Variants in SFMBT2 observed in about 807,000 individuals in gnomAD.
SFMBT2 encodes the protein Scm like with four mbt domains 2, also known as scm-like with four MBT domains protein 2.
In SFMBT2, 38 loss-of-function variants were observed where a neutral mutation model predicts 110.1. The observed-to-expected ratio is 0.35, with a 90% confidence interval of 0.27 to 0.45. SFMBT2 has a LOEUF of 0.45. Ranked by LOEUF, SFMBT2 falls within the 20% of genes least tolerant of loss-of-function variation. The probability of loss-of-function intolerance (pLI) is 1.00; values close to 1 mark genes in which losing one functional copy is unlikely to be tolerated. For synonymous variants in SFMBT2, 425 were observed against 425.4 expected (o/e 1.00, Z 0.01); for missense variants, 1,011 against 1,094.9 (o/e 0.92, Z 1.08).
chr10:7,166,817 G>A (rs2131513336), intron 20 of SFMBT2, among the ~76,000 whole-genome samples: 1 of 152,310 alleles, frequency 6.6e-6, no homozygotes, highest in South Asian at 2.1e-4. Context: ...CAGGAAACTG[G>A]GGAGACACCA....
Position 7,404,370 on chromosome 10 carries a change from C to G in SFMBT2, c.-52+6491G>C, listed in dbSNP as rs567133355. On this transcript the variant is annotated intron_variant, in intron 1 of 20. Coordinates refer to ENST00000397167, the MANE Select transcript of SFMBT2 (RefSeq NM_001387889.1). ...TTGAAATGGAGGGGAAAGAAAACAACTTGCCAAGTTTGGCAGAAAGCAGGG... is the reference window on the plus strand; with the variant it reads ...TTGAAATGGAGGGGAAAGAAAACAAGTTGCCAAGTTTGGCAGAAAGCAGGG... Among the ~76,000 whole-genome samples, 116 of 152,346 alleles carry G rather than the reference C, an allele frequency of 7.6e-4. 1 individual carries two copies. Among genetic ancestry groups the G allele is most frequent in the Middle Eastern group, 6.8e-3 (2 of 294 alleles).
chr10:7,331,156 T>C (rs147260210), intron 4 of SFMBT2, among the ~76,000 whole-genome samples: 1 of 152,244 alleles, frequency 6.6e-6, no homozygotes, highest in African/African-American at 2.4e-5. Flanking sequence ...TTATAAACCA[T>C]GTCATTGTAA....
chr10:7,331,169 A>C (rs1843549042), intron 4 of SFMBT2, among the ~76,000 whole-genome samples: 1 of 152,250 alleles, frequency 6.6e-6, no homozygotes, highest in African/African-American at 2.4e-5. Context: ...CATTGTAAAG[A>C]AGGAAAAATT....
intron 10 of SFMBT2, among the ~76,000 whole-genome samples, chr10:7,223,720 T>A (rs1839820422): frequency 6.6e-6 from 1 of 152,248 alleles, no homozygotes; most frequent in Non-Finnish European, 1.5e-5. Context: ...TCATTCATTA[T>A]GAGAATATTT....
At chr10:7,200,930 GC>G in intron 13 of SFMBT2, 2 of 794,694 alleles carry the variant, frequency 2.5e-6, no homozygotes, top group Non-Finnish European at 3.1e-6. Flanking sequence ...GGGAGTCATG[GC>G]CACACTAAAA....
At chr10:7,312,344 C>A (rs1842881614) in intron 4 of SFMBT2, among the ~76,000 whole-genome samples, 1 of 152,230 alleles carries the variant, frequency 6.6e-6, no homozygotes, top group African/African-American at 2.4e-5. Context: ...CGCAGCCAAA[C>A]TACCAACGGG....
intron 4 of SFMBT2, among the ~76,000 whole-genome samples, chr10:7,352,827 T>G (rs1844367283): frequency 6.6e-6 from 1 of 152,012 alleles, no homozygotes. Context: ...CTGGCTAACA[T>G]GGTGAAACCC....
intron 7 of SFMBT2, 120 bp from the exon 8 acceptor site, chr10:7,248,769 C>T: frequency 1.3e-6 from 1 of 768,652 alleles, no homozygotes; most frequent in South Asian, 1.8e-5. Context: ...GACAATTAAC[C>T]TTCCCTGTTT....
At position 7,367,981 on chromosome 10, in the gene SFMBT2, C is replaced by CA. The variant is rs1225755704; in HGVS notation, c.196-93dup. On this transcript the variant is annotated intron_variant, in intron 3 of 20. Coordinates refer to ENST00000397167, the MANE Select transcript of SFMBT2 (RefSeq NM_001387889.1). The surrounding 1 kb of genome is among the most constrained non-coding windows in gnomAD (Gnocchi z 6.2). The stretch of plus-strand genomic sequence containing the variant: ...AAACCACTAAAAAATATGGCACTTA[C>CA]AAACAATATTCCTGTTGCTCTAAAA... 30 of 1,499,214 alleles carry CA rather than the reference C, an allele frequency of 2.0e-5. 1 individual carries two copies. Among genetic ancestry groups the CA allele is most frequent in the East Asian group, 1.2e-4 (5 of 43,390 alleles). 92.9% of individuals were successfully genotyped at this position (1,499,214 alleles called of 1,614,324 possible). A position where few individuals can be genotyped will look rare whatever the true frequency, so the allele number is the denominator to read the frequency against.
At chr10:7,312,367 G>C (rs1842882532) in intron 4 of SFMBT2, among the ~76,000 whole-genome samples, 1 of 152,198 alleles carries the variant, frequency 6.6e-6, no homozygotes, top group African/African-American at 2.4e-5. Context: ...AACAGCACGA[G>C]CACGTGATGA....
chr10:7,307,736 T>C lies in SFMBT2; in HGVS notation c.437-21782A>G, dbSNP rs1429972409. ...CTACAAAGCTGTTGGAGAACAAGAA[T>C]ATAGAATACATTTTTGCTATCCATG... is the stretch of plus-strand genomic sequence containing the variant. On this transcript the variant is annotated intron_variant, in intron 4 of 20. Transcript: ENST00000397167. Among the ~76,000 whole-genome samples the C allele has an allele frequency of 2.6e-5, 4 of 152,280 alleles. No homozygotes were observed. In the South Asian group the frequency reaches 6.2e-4, roughly 24 times the overall value.
chr10:7,275,164 T>C (rs6602234), intron 7 of SFMBT2, among the ~76,000 whole-genome samples: 19,869 of 152,264 alleles, frequency 0.13, 1,882 homozygotes, highest in African/African-American at 0.27. Flanking sequence ...AGCGGGGGCT[T>C]CACTGGCCTG....
At chr10:7,278,851 G>A (rs890963694) in intron 6 of SFMBT2, among the ~76,000 whole-genome samples, 2 of 152,084 alleles carry the variant, frequency 1.3e-5, no homozygotes, top group African/African-American at 4.8e-5. Flanking sequence ...GCTGAGGTGG[G>A]TGGATCACTT....
rs1476181871 is a variant in SFMBT2, at chr10:7,171,137, C to T, written c.2416-81G>A. 1.1e-5 allele frequency: 18 copies of T among 1,596,302 alleles called. No homozygotes were observed. Among genetic ancestry groups the T allele is most frequent in the South Asian group, 4.4e-5 (4 of 90,576 alleles). ...TCTCCAGCACTCTCCAGGCCTCGGC[C>T]GTTCCTGGCCGGAAGCCACTGCCTC... is the stretch of plus-strand genomic sequence containing the variant. On this transcript the variant is annotated intron_variant, in intron 19 of 20. Coordinates refer to ENST00000397167, the MANE Select transcript of SFMBT2 (RefSeq NM_001387889.1). The surrounding 1 kb of genome is among the most constrained non-coding windows in gnomAD (Gnocchi z 4.9).
chr10:7,323,700 A>G lies in SFMBT2; in HGVS notation c.437-37746T>C, dbSNP rs536376380. 5.9e-5 allele frequency among the ~76,000 whole-genome samples: 9 copies of G among 152,272 alleles called. No individual in the cohort carries two copies. The East Asian group carries it at 1.7e-3, about 29-fold the overall frequency. On this transcript the variant is annotated intron_variant, in intron 4 of 20. Coordinates refer to ENST00000397167, the MANE Select transcript of SFMBT2 (RefSeq NM_001387889.1). ...TTCTTTAGGTTTGATATGTCCAAAAATAAAGTTTGTTTCAACATCTTTAAG... is the reference window on the plus strand; with the variant it reads ...TTCTTTAGGTTTGATATGTCCAAAAGTAAAGTTTGTTTCAACATCTTTAAG...
intron 4 of SFMBT2, among the ~76,000 whole-genome samples, chr10:7,321,423 G>C (rs1181958741): frequency 6.6e-6 from 1 of 152,024 alleles, no homozygotes; most frequent in African/African-American, 2.4e-5. Context: ...GGATGGTCTC[G>C]ATCTCCTGAC....
intron 4 of SFMBT2, among the ~76,000 whole-genome samples, chr10:7,356,146 C>G (rs991799726): frequency 6.6e-6 from 1 of 152,062 alleles, no homozygotes; most frequent in Non-Finnish European, 1.5e-5. Flanking sequence ...AAACAGGATC[C>G]GAGGGAGAGG....
chr10:7,174,735 A>G (rs1250762977), intron 17 of SFMBT2, among the ~76,000 whole-genome samples: 1 of 152,138 alleles, frequency 6.6e-6, no homozygotes, highest in East Asian at 1.9e-4. Context: ...GGCCTTTCTT[A>G]CTCAGGAGCT....
chr10:7,211,821 A>AC (rs1049487034), intron 11 of SFMBT2, among the ~76,000 whole-genome samples: 4 of 152,134 alleles, frequency 2.6e-5, no homozygotes, highest in Non-Finnish European at 5.9e-5. Flanking sequence ...TAACTACCTG[A>AC]CTTTTTTTGC....
Sources: gnomAD v4.1 joint callset for allele counts (sites outside exome capture counted in the v4.1 genomes callset) on GRCh38, gnomAD v4.1.1 for gene constraint, Gnocchi (gnomAD v3.1) non-coding constraint, MANE v1.5 for transcripts, NCBI Gene and HGNC (gene_info 2026-07-23, HGNC 2026-07-21) for gene names.